The following GNAL variants were observed in gnomAD, a reference collection of about 807,000 sequenced individuals.
GNAL encodes the protein G protein subunit alpha L, also known as guanine nucleotide-binding protein G(olf) subunit alpha.
GNAL carries 18 observed loss-of-function variants against 55.1 expected under a neutral mutation model. The observed-to-expected ratio is 0.33, with a 90% confidence interval of 0.23 to 0.48. The LOEUF (loss-of-function observed/expected upper bound fraction) is 0.48, where lower values mean the gene tolerates loss of function less well. GNAL is among the 20% of genes least tolerant of loss of function. The pLI is 0.99. For synonymous variants in GNAL, 253 were observed against 237.0 expected (o/e 1.07, Z -0.62); for missense variants, 412 against 614.1 (o/e 0.67, Z 3.48).
At chr18:11,706,310 A>G (rs1273698839) in intron 1 of GNAL, among the ~76,000 whole-genome samples, 1 of 152,062 alleles carries the variant, frequency 6.6e-6, no homozygotes, top group East Asian at 1.9e-4. Flanking sequence ...TAAATGTGCA[A>G]TCACATCATG....
At chr18:11,726,668 C>A (rs545352955) in intron 1 of GNAL, among the ~76,000 whole-genome samples, 23 of 152,314 alleles carry the variant, frequency 1.5e-4, no homozygotes, top group South Asian at 4.1e-4. Context: ...GGTAGGCTTT[C>A]AGCATGGAGC....
intron 4 of GNAL, among the ~76,000 whole-genome samples, chr18:11,769,202 AAT>A (rs1006324431): frequency 7.0e-6 from 1 of 142,840 alleles, no homozygotes; most frequent in Non-Finnish European, 1.5e-5. Context: ...AATTATATAT[AAT>A]ATATATAATG....
At chr18:11,878,585 G>A (rs1028598038) in intron 11 of GNAL, among the ~76,000 whole-genome samples, 9 of 151,900 alleles carry the variant, frequency 5.9e-5, no homozygotes, top group Non-Finnish European at 1.0e-4. Flanking sequence ...TGTTTATTTG[G>A]GACATTGCTT....
At chr18:11,757,132 G>C (rs1007340844) in intron 4 of GNAL, among the ~76,000 whole-genome samples, 2 of 152,162 alleles carry the variant, frequency 1.3e-5, no homozygotes, top group African/African-American at 4.8e-5. Flanking sequence ...ATACGGGTGG[G>C]TTGCTCTTTG....
At chr18:11,839,784 C>T (rs923585379) in intron 5 of GNAL, among the ~76,000 whole-genome samples, 33 of 152,102 alleles carry the variant, frequency 2.2e-4, no homozygotes, top group African/African-American at 6.0e-4. Context: ...AGAGCACAAG[C>T]GTTCTAGCTC....
At chr18:11,764,557 A>G (rs1051077842) in intron 4 of GNAL, among the ~76,000 whole-genome samples, 16 of 152,252 alleles carry the variant, frequency 1.1e-4, no homozygotes, top group African/African-American at 3.9e-4. Flanking sequence ...CTGTAATCCC[A>G]GCACTTTGGG....
intron 1 of GNAL, among the ~76,000 whole-genome samples, chr18:11,731,206 G>C (rs2032332083): frequency 6.6e-6 from 1 of 152,198 alleles, no homozygotes; most frequent in African/African-American, 2.4e-5. Context: ...GGAGTGCAGT[G>C]CTGTGATCTC....
chr18:11,817,840 C>T (rs776050960), intron 4 of GNAL, among the ~76,000 whole-genome samples: 4 of 152,142 alleles, frequency 2.6e-5, no homozygotes, highest in Middle Eastern at 3.4e-3. Context: ...CCGCCCGCCT[C>T]AGCCTCCCAA....
intron 7 of GNAL, among the ~76,000 whole-genome samples, chr18:11,866,796 C>A (rs1204471699): frequency 2.0e-5 from 3 of 148,454 alleles, no homozygotes; most frequent in African/African-American, 5.3e-5. Flanking sequence ...CTGCCCTGGG[C>A]AGTGACTTAG....
intron 1 of GNAL, among the ~76,000 whole-genome samples, chr18:11,745,046 A>G (rs754718744): frequency 6.6e-6 from 1 of 152,234 alleles, no homozygotes; most frequent in Non-Finnish European, 1.5e-5. Flanking sequence ...CAGAAGTCTT[A>G]GTGCAGTTTT....
chr18:11,789,654 T>C (rs917646440), intron 4 of GNAL, among the ~76,000 whole-genome samples: 1 of 152,252 alleles, frequency 6.6e-6, no homozygotes, highest in African/African-American at 2.4e-5. Flanking sequence ...TCTAATAAAG[T>C]ACCATGTCTT....
chr18:11,771,577 C>A (rs2033636633), intron 4 of GNAL, among the ~76,000 whole-genome samples: 1 of 152,122 alleles, frequency 6.6e-6, no homozygotes, highest in Non-Finnish European at 1.5e-5. Context: ...GTGGACACAG[C>A]CCTTTGGGAG....
chr18:11,860,539 A>G lies in GNAL; in HGVS notation c.723-1856A>G, dbSNP rs559220025. 2.6e-5 allele frequency among the ~76,000 whole-genome samples: 4 copies of G among 152,316 alleles called. No homozygotes were observed. In the East Asian group the frequency reaches 7.7e-4, roughly 29 times the overall value. ...AACAGGAGGAAAGCATACACATTTT[A>G]TTTAATATTTTTACATGCACACGGG... On this transcript the variant is annotated intron_variant, in intron 5 of 11. Transcript: ENST00000334049.
intron 5 of GNAL, among the ~76,000 whole-genome samples, chr18:11,839,066 A>C (rs1275972364): frequency 6.6e-6 from 1 of 152,190 alleles, no homozygotes; most frequent in Non-Finnish European, 1.5e-5. Context: ...ATCTAACCAA[A>C]TTTTGTAAAC....
chr18:11,840,617 C>G (rs779094690), intron 5 of GNAL, among the ~76,000 whole-genome samples: 30 of 152,216 alleles, frequency 2.0e-4, no homozygotes, highest in African/African-American at 6.7e-4. Context: ...TCTAGGAGTC[C>G]TCAGACTTCC....
intron 1 of GNAL, among the ~76,000 whole-genome samples, chr18:11,697,262 G>C (rs902236063): frequency 6.6e-6 from 1 of 152,018 alleles, no homozygotes; most frequent in African/African-American, 2.4e-5. Context: ...AGGAGGCCGG[G>C]CACGGTGGTG....
In GNAL at chr18:11,880,379, G is replaced by A. The variant is rs180695849; in HGVS notation, c.1231-610G>A. Among the ~76,000 whole-genome samples the A allele has an allele frequency of 0.01, 1,516 of 149,068 alleles. 40 individuals are homozygous for A. The East Asian group carries it at 0.11, about 11-fold the overall frequency. Reference sequence around the variant, plus strand: ...AGGTCAGGAGTTTGAGACCAGCCTGGCCAACATGGTGACACCCCGTCTCTA... The same window carrying A: ...AGGTCAGGAGTTTGAGACCAGCCTGACCAACATGGTGACACCCCGTCTCTA... On this transcript the variant is annotated intron_variant, in intron 11 of 11. Transcript: ENST00000334049.
intron 1 of GNAL, among the ~76,000 whole-genome samples, chr18:11,750,141 A>G (rs1449078399): frequency 6.6e-6 from 1 of 152,196 alleles, no homozygotes; most frequent in Non-Finnish European, 1.5e-5. Flanking sequence ...AACGGACCCA[A>G]CGGGATGCGG....
chr18:11,769,366 G>A (rs565901633), intron 4 of GNAL, among the ~76,000 whole-genome samples: 16 of 151,952 alleles, frequency 1.1e-4, no homozygotes, highest in African/African-American at 3.6e-4. Context: ...GTACAGTAGG[G>A]CTTCCTGGGA....
Sources: gnomAD v4.1 joint callset for allele counts (sites outside exome capture counted in the v4.1 genomes callset) on GRCh38, gnomAD v4.1.1 for gene constraint, MANE v1.5 for transcripts, NCBI Gene and HGNC (gene_info 2026-07-23, HGNC 2026-07-21) for gene names.